PKIB: variants seen among roughly 807,000 people sequenced by gnomAD.
PKIB encodes cAMP-dependent protein kinase inhibitor beta.
A neutral mutation model predicts 4.5 loss-of-function variants in PKIB; 2 were observed. The observed-to-expected ratio is 0.44, with a 90% CI of 0.18 to 1.39. The LOEUF is 1.39. PKIB is among the 40% of genes most tolerant of loss of function. The pLI is 0.27. For missense variants in PKIB, 94 were observed against 92.6 expected, an observed-to-expected ratio of 1.02 and a Z score of -0.06; for synonymous variants, 38 against 36.0, an observed-to-expected ratio of 1.06 and a Z score of -0.20.
At chr6:122,632,292 G>A (rs979577917) in intron 1 of PKIB, among the ~76,000 whole-genome samples, 3 of 152,170 alleles carry the variant, frequency 2.0e-5, no homozygotes, top group Non-Finnish European at 2.9e-5. Context: ...AATAACCCTA[G>A]TATACAAGCA....
At chr6:122,662,735 G>T (rs1582788742) in intron 2 of PKIB, among the ~76,000 whole-genome samples, 1 of 152,134 alleles carries the variant, frequency 6.6e-6, no homozygotes, top group East Asian at 1.9e-4. Context: ...ACTACTGAAA[G>T]CTTCCCTTAT....
intron 2 of PKIB, among the ~76,000 whole-genome samples, chr6:122,646,625 C>G (rs995421169): frequency 6.6e-6 from 1 of 151,996 alleles, no homozygotes; most frequent in Non-Finnish European, 1.5e-5. Context: ...GGAAAAAATC[C>G]GTGTTTCTTT....
chr6:122,573,271 T>C (rs950845802), intron 2 of PKIB, among the ~76,000 whole-genome samples: 3 of 152,078 alleles, frequency 2.0e-5, no homozygotes, highest in Non-Finnish European at 2.9e-5. Context: ...TACATCATGA[T>C]TGGCTGGGCG....
At chr6:122,495,726 C>T (rs1252456937) in intron 2 of PKIB, among the ~76,000 whole-genome samples, 1 of 152,156 alleles carries the variant, frequency 6.6e-6, no homozygotes, top group South Asian at 2.1e-4. Context: ...TGTGGAGCCA[C>T]CCCTTTATAA....
intron 2 of PKIB, among the ~76,000 whole-genome samples, chr6:122,503,968 CA>C (rs2114564886): frequency 6.6e-6 from 1 of 152,220 alleles, no homozygotes; most frequent in Non-Finnish European, 1.5e-5. Flanking sequence ...GAATTGATTC[CA>C]ATGCACTTCA....
intron 2 of PKIB, among the ~76,000 whole-genome samples, chr6:122,501,440 A>G (rs1212121556): frequency 6.6e-6 from 1 of 152,194 alleles, no homozygotes; most frequent in African/African-American, 2.4e-5. Flanking sequence ...ACATCCTCTG[A>G]TATCTAGGAA....
intron 1 of PKIB, among the ~76,000 whole-genome samples, chr6:122,474,442 T>C (rs1775400292): frequency 6.6e-6 from 1 of 152,206 alleles, no homozygotes; most frequent in African/African-American, 2.4e-5. Context: ...TTCCATGAAA[T>C]ATAGTTTAAG....
At position 122,499,119 on chromosome 6, in the gene PKIB, T is replaced by C. The variant is rs557560401; in HGVS notation, c.-248+21180T>C. Among the ~76,000 whole-genome samples, 7 of 152,248 alleles carry C rather than the reference T, an allele frequency of 4.6e-5. No homozygotes were observed. In the South Asian group the frequency reaches 1.2e-3, roughly 27 times the overall value. The stretch of plus-strand genomic sequence containing the variant: ...CCCTGGATCAGATGGATTCACAGCC[T>C]AATTCTACCAGACATACAAAGAAGA... On this transcript the variant is annotated intron_variant, in intron 2 of 6. Coordinates refer to the PKIB transcript ENST00000392491.
intron 2 of PKIB, among the ~76,000 whole-genome samples, chr6:122,642,374 CTGTT>C: frequency 6.6e-6 from 1 of 152,258 alleles, no homozygotes; most frequent in Middle Eastern, 3.4e-3. Context: ...GTTCATTGTT[CTGTT>C]TGTTATTCTG....
At chr6:122,553,914 T>C (rs1562249407) in intron 2 of PKIB, among the ~76,000 whole-genome samples, 1 of 152,186 alleles carries the variant, frequency 6.6e-6, no homozygotes, top group South Asian at 2.1e-4. Flanking sequence ...CAGCTGGAGC[T>C]TGGAGCTCTT....
intron 2 of PKIB, among the ~76,000 whole-genome samples, chr6:122,551,265 C>T (rs886982353): frequency 9.9e-5 from 15 of 152,040 alleles, no homozygotes; most frequent in Admixed American, 2.0e-4. Flanking sequence ...AAATATTGCA[C>T]CTTCGGGACC....
At chr6:122,696,504 A>C (rs1778577877) in intron 3 of PKIB, among the ~76,000 whole-genome samples, 1 of 152,184 alleles carries the variant, frequency 6.6e-6, no homozygotes, top group East Asian at 1.9e-4. Flanking sequence ...TATCAAAAAG[A>C]AGCTCTCTTT....
intron 2 of PKIB, among the ~76,000 whole-genome samples, chr6:122,560,280 T>C (rs1180863566): frequency 6.6e-6 from 1 of 152,074 alleles, no homozygotes; most frequent in Admixed American, 6.6e-5. Flanking sequence ...AATGCTTTTT[T>C]TTTTGCATCT....
At chr6:122,511,057 C>T (rs9490464) in intron 2 of PKIB, among the ~76,000 whole-genome samples, 34 of 152,136 alleles carry the variant, frequency 2.2e-4, no homozygotes, top group Non-Finnish European at 4.0e-4. Context: ...ACTTAGTAGA[C>T]GTGGTTCAGG....
upstream of PKIB, among the ~76,000 whole-genome samples, chr6:122,608,681 G>A (rs752208781): frequency 1.7e-4 from 26 of 152,192 alleles, no homozygotes; most frequent in Non-Finnish European, 3.7e-4. Context: ...TACTATTCTA[G>A]GTGTTGAGGA....
At chr6:122,590,035 G>A (rs543478931) in intron 3 of PKIB, among the ~76,000 whole-genome samples, 5 of 152,030 alleles carry the variant, frequency 3.3e-5, no homozygotes, top group Non-Finnish European at 7.4e-5. Context: ...AAAAAAATGA[G>A]TAAAAATCAG....
chr6:122,529,710 T>C (rs1194971028), intron 2 of PKIB, among the ~76,000 whole-genome samples: 2 of 152,276 alleles, frequency 1.3e-5, no homozygotes, highest in East Asian at 3.9e-4. Flanking sequence ...ATACAGTATT[T>C]ATTGATGATA....
chr6:122,694,776 T>C (rs890800200), intron 3 of PKIB, among the ~76,000 whole-genome samples: 35 of 152,198 alleles, frequency 2.3e-4, no homozygotes, highest in African/African-American at 8.0e-4. Flanking sequence ...TGCCTGATCA[T>C]TGAACGGCTA....
intron 2 of PKIB, among the ~76,000 whole-genome samples, chr6:122,575,727 A>G (rs569853958): frequency 1.3e-5 from 2 of 152,306 alleles, no homozygotes; most frequent in Non-Finnish European, 2.9e-5. Flanking sequence ...CAACGATGCA[A>G]AGGCATAACA....
Sources: gnomAD v4.1 joint callset for allele counts (sites outside exome capture counted in the v4.1 genomes callset) on GRCh38, gnomAD v4.1.1 for gene constraint, MANE v1.5 for transcripts, NCBI Gene and HGNC (gene_info 2026-07-23, HGNC 2026-07-21) for gene names.